The following COL2A1 variants were observed in gnomAD, a reference collection of about 807,000 sequenced individuals.
COL2A1 encodes the protein collagen alpha-1(II) chain.
A neutral mutation model predicts 204.5 loss-of-function variants in COL2A1; 28 were observed. The observed-to-expected ratio is 0.14, with a 90% CI of 0.10 to 0.19. The LOEUF (loss-of-function observed/expected upper bound fraction) is 0.19, where lower values mean the gene tolerates loss of function less well. COL2A1 is among the 10% of genes least tolerant of loss of function. COL2A1 has a pLI of 1.00. For missense variants in COL2A1, 1,388 were observed against 2,027.5 expected, an observed-to-expected ratio of 0.68 and a Z score of 6.06; for synonymous variants, 708 against 718.7, an observed-to-expected ratio of 0.99 and a Z score of 0.24.
chr12:47,981,040 C>T (rs1939046166), intron 37 of COL2A1, 72 bp from the exon 38 acceptor site: 12 of 1,448,090 alleles, frequency 8.3e-6, no homozygotes, highest in East Asian at 2.5e-5. Context: ...CTCCAAGAGC[C>T]CCTTGGGCCC....
chr12:47,985,203 A>G (rs1939326948), intron 26 of COL2A1, 110 bp from the exon 27 acceptor site: 1 of 844,356 alleles, frequency 1.2e-6, no homozygotes, highest in Admixed American at 2.0e-5. Context: ...CCAGCCACAC[A>G]TGCTCAGCAT....
chr12:47,979,100 C>T (rs1346467732), intron 41 of COL2A1, among the ~76,000 whole-genome samples: 1 of 152,080 alleles, frequency 6.6e-6, no homozygotes, highest in African/African-American at 2.4e-5. Context: ...TTGCCCCCAG[C>T]ACTCTCTCCC....
rs1939466485 is a variant in COL2A1, at chr12:47,987,146, A to G, written c.1297T>C (p.Phe433Leu). Residue 433 changes from phenylalanine (F) to leucine (L), a missense_variant, in exon 21 of 54, where the codon TTC becomes CTC. By Grantham distance (22) the Phe-to-Leu change is conservative. Transcript: ENST00000380518. This position sits in a 1 kb window ranked among gnomAD's most constrained non-coding sequence, Gnocchi z 4.1. ...GAPGIAGAPG[F>L]PGPRGPPGPQ... is the part of the protein sequence containing the mutation. The stretch of plus-strand genomic sequence containing the variant: ...CCAGGAGGGCCCCGTGGCCCAGGGA[A>G]GCCAGGAGCACCAGCAATGCCAGGA... 1 of 1,613,994 alleles carries G rather than the reference A, an allele frequency of 6.2e-7. No homozygotes were observed. The highest frequency in any genetic ancestry group is 1.3e-5 in the African/African-American group (1 of 74,888).
intron 28 of COL2A1, 21 bp from the exon 29 acceptor site, chr12:47,984,161 A>G: frequency 1.2e-6 from 2 of 1,611,572 alleles, no homozygotes; most frequent in Non-Finnish European, 8.5e-7. Context: ...GAGAAAAAGA[A>G]AAGTCAATGA....
At chr12:47,974,925 G>A in intron 51 of COL2A1, 63 bp from the exon 52 acceptor site, 2 of 1,527,236 alleles carry the variant, frequency 1.3e-6, no homozygotes, top group African/African-American at 1.4e-5. Flanking sequence ...AAGCTTGAGA[G>A]ACCCAGGCCT....
Position 47,987,380 on chromosome 12 carries a change from A to G in COL2A1, c.1222-67T>C. 1.9e-6 allele frequency: 3 copies of G among 1,542,090 alleles called. No individual in the cohort carries two copies. In the South Asian group the frequency reaches 3.4e-5, roughly 17 times the overall value. ...CCCCAACCACCTCCAGCCCTCCAGG[A>G]TCCAGATCCAGGGACCTGGCATAGG... On this transcript the variant is annotated intron_variant, in intron 19 of 53. Transcript: ENST00000380518. This position sits in a 1 kb window ranked among gnomAD's most constrained non-coding sequence, Gnocchi z 4.1.
chr12:47,983,834 C>T (rs1939235561), intron 29 of COL2A1, 98 bp from the exon 30 acceptor site: 1 of 1,286,070 alleles, frequency 7.8e-7, no homozygotes, highest in Non-Finnish European at 1.1e-6. Flanking sequence ...GTGGGCAGCA[C>T]AGGCGTCTTC....
In COL2A1 at chr12:47,975,928, C is replaced by G. The variant is rs1265356367; in HGVS notation, c.3597+35G>C. ...GCTCAAGCCTCCCGGATGGTAGGGACACCTCGACAGCAGGGAAGGAGTCAG... is the reference window on the plus strand; with the variant it reads ...GCTCAAGCCTCCCGGATGGTAGGGAGACCTCGACAGCAGGGAAGGAGTCAG... On this transcript the variant is annotated intron_variant, in intron 50 of 53. Transcript: ENST00000380518. 3.3e-6 allele frequency: 5 copies of G among 1,510,396 alleles called. No homozygotes were observed. In the South Asian group the frequency reaches 4.5e-5, roughly 14 times the overall value. 93.6% of individuals were successfully genotyped at this position (1,510,396 alleles called of 1,614,324 possible).
Position 47,976,049 on chromosome 12 carries a change from G to C in COL2A1, c.3511C>G (p.Pro1171Ala), listed in dbSNP as rs147750391. 49 of 1,613,772 alleles carry C rather than the reference G, an allele frequency of 3.0e-5. No homozygotes were observed. The highest frequency in any genetic ancestry group is 4.1e-5 in the Non-Finnish European group (48 of 1,179,736). Residue 1171 changes from proline (P) to alanine (A), a missense_variant, in exon 50 of 54, where the codon CCC (proline) becomes GCC (alanine). By Grantham distance (27) the Pro-to-Ala change is conservative. Coordinates refer to ENST00000380518, the MANE Select transcript of COL2A1 (RefSeq NM_001844.5). The surrounding 1 kb of genome is among the most constrained non-coding windows in gnomAD (Gnocchi z 4.3). ...GPRGPPGPVG[P>A]SGKDGANGIP... ...CCATTAGCACCATCTTTGCCAGAGG[G>C]ACCGACGGGGCCAGGAGGACCCTGC...
rs978921089 is a variant in COL2A1 at position 47,977,405 on chromosome 12, G to A, written c.3188C>T (p.Ala1063Val). Residue 1063 changes from alanine to valine, a missense_variant, in exon 46 of 54, where the codon GCT becomes GTT. Physicochemically the swap from Ala to Val is moderately conservative, Grantham distance 64 (BLOSUM62 0). Transcript: ENST00000380518. ...CCCAGGGGCTCCAGGAGCTCCCACA[G>A]CACCAGTCTCACCACGATCACCCTG... is the stretch of plus-strand genomic sequence containing the variant. Reference protein sequence around the residue: ...GVKGDRGETGAVGAPGAPGPP... With the variant: ...GVKGDRGETGVVGAPGAPGPP... 6.8e-6 allele frequency: 11 copies of A among 1,613,028 alleles called. No individual in the cohort carries two copies. The highest frequency in any genetic ancestry group is 1.7e-5 in the Admixed American group (1 of 60,014).
intron 9 of COL2A1, 23 bp from the exon 10 acceptor site, chr12:47,995,786 C>G: frequency 2.5e-6 from 4 of 1,613,636 alleles, no homozygotes; most frequent in Non-Finnish European, 3.4e-6. Flanking sequence ...ATGAGGATAC[C>G]AGGTCAATCC....
intron 8 of COL2A1, 114 bp downstream of exon 8, chr12:47,996,434 G>A (rs897085170): frequency 3.0e-5 from 28 of 924,650 alleles, no homozygotes; most frequent in African/African-American, 1.3e-4. Context: ...ACATAACTAC[G>A]GAGGAGAGCC....
chr12:47,992,948 G>A lies in COL2A1; in HGVS notation c.970-17C>T. 1 of 1,614,004 alleles carries A rather than the reference G, an allele frequency of 6.2e-7. No homozygotes were observed. The highest frequency in any genetic ancestry group is 8.5e-7 in the Non-Finnish European group (1 of 1,179,868). ...ACGAGGACCCTGGAACACACACCAGGACAGCCTAAGCATGAGTTGGCTTTA... is the reference window on the plus strand; with the variant it reads ...ACGAGGACCCTGGAACACACACCAGAACAGCCTAAGCATGAGTTGGCTTTA... On this transcript the variant is annotated splice_polypyrimidine_tract_variant and intron_variant, in intron 15 of 53. Transcript: ENST00000380518.
In COL2A1 at chr12:47,997,917, G is replaced by A. The variant is rs766601966; in HGVS notation, c.383C>T (p.Ala128Val). The change falls in exon 6 of 54, where the codon GCA becomes GTA. Residue 128 changes from alanine (A) to valine (V), a missense_variant. Ala to Val is a moderately conservative substitution (Grantham distance 64). This residue lies in a region of COL2A1 where 201 missense variants were observed against 242.4 expected (regional missense o/e 0.83). Coordinates refer to ENST00000380518, the MANE Select transcript of COL2A1 (RefSeq NM_001844.5). ...PKGPPGPQGP[A>V]GEQGPRGDRG... ...ATCCCCTCTGGGTCCTTGTTCCCCT[G>A]CAGGTCCCTGAAGGTGAAGAACATG... 1.2e-6 allele frequency: 2 copies of A among 1,614,134 alleles called. No homozygotes were observed. The highest frequency in any genetic ancestry group is 8.5e-7 in the Non-Finnish European group (1 of 1,180,028).
In COL2A1 at chr12:47,994,519, C is replaced by T. The variant is rs41317901; in HGVS notation, c.763-42G>A. On this transcript the variant is annotated intron_variant, in intron 11 of 53. Coordinates refer to ENST00000380518, the MANE Select transcript of COL2A1 (RefSeq NM_001844.5). ...AGATATCCCAGCTTCCTCAGAGACG[C>T]AGTAGCATAGTGGGGGCACCCCAGA... is the stretch of plus-strand genomic sequence containing the variant. 3.5e-3 allele frequency: 5,669 copies of T among 1,610,182 alleles called. 39 individuals are homozygous for T. Among genetic ancestry groups the T allele is most frequent in the Middle Eastern group, 0.017 (86 of 5,108 alleles).
intron 24 of COL2A1, 41 bp from the exon 25 acceptor site, chr12:47,985,867 C>T: frequency 6.3e-7 from 1 of 1,577,346 alleles, no homozygotes; most frequent in East Asian, 2.3e-5. Context: ...ACCATGTGAC[C>T]TCAGCGATGC....
intron 16 of COL2A1, 36 bp from the exon 17 acceptor site, chr12:47,989,841 C>T (rs1336107890): frequency 6.2e-7 from 1 of 1,606,884 alleles, no homozygotes; most frequent in African/African-American, 1.3e-5. Flanking sequence ...GAGAGGTGCC[C>T]ACAGGCCCTG....
Position 47,989,649 on chromosome 12 carries a change from A to G in COL2A1, c.1068+112T>C, listed in dbSNP as rs563724676. ...TCTCTTTCCTCCCCCTTTCCAGTAG[A>G]CATCAGAGTGCTGCTGTGGTTGCAC... is the stretch of plus-strand genomic sequence containing the variant. On this transcript the variant is annotated intron_variant, in intron 17 of 53. Transcript: ENST00000380518. 9.1e-5 allele frequency: 81 copies of G among 889,482 alleles called. No individual in the cohort carries two copies. The South Asian group carries it at 1.0e-3, about 11-fold the overall frequency. 55.1% of individuals were successfully genotyped at this position (889,482 alleles called of 1,614,324 possible). A position where few individuals can be genotyped will look rare whatever the true frequency, so the allele number is the denominator to read the frequency against.
At chr12:47,983,899 C>T in intron 29 of COL2A1, 163 bp from the exon 30 acceptor site, 3 of 916,566 alleles carry the variant, frequency 3.3e-6, no homozygotes, top group Non-Finnish European at 5.2e-6. Context: ...CAGCCACCCA[C>T]ACTCCTCTCC....
Sources: gnomAD v4.1 joint callset for allele counts (sites outside exome capture counted in the v4.1 genomes callset) on GRCh38, gnomAD v4.1.1 for gene constraint, gnomAD v4.1.1 regional missense constraint, Gnocchi (gnomAD v3.1) non-coding constraint, MANE v1.5 for transcripts, NCBI Gene and HGNC (gene_info 2026-07-23, HGNC 2026-07-21) for gene names.